RBFOX3: variants seen among roughly 807,000 people sequenced by gnomAD.
The protein encoded by RBFOX3 is RNA binding protein fox-1 homolog 3.
Under a neutral mutation model 48.7 loss-of-function variants are expected in RBFOX3, and 17 were observed. The ratio of observed to expected loss-of-function variants is 0.35; its 90% CI spans 0.24 to 0.52. The LOEUF (loss-of-function observed/expected upper bound fraction) is 0.52, where lower values mean the gene tolerates loss of function less well. RBFOX3 is among the 20% of genes least tolerant of loss of function. The pLI, the probability that RBFOX3 is intolerant of heterozygous loss-of-function variation, is 0.94. For synonymous variants in RBFOX3, 212 were observed against 209.5 expected, an observed-to-expected ratio of 1.01 and a Z score of -0.10; for missense variants, 382 against 497.5, an observed-to-expected ratio of 0.77 and a Z score of 2.21.
chr17:79,419,083 C>A (rs2065831910), intron 2 of RBFOX3, among the ~76,000 whole-genome samples: 1 of 152,156 alleles, frequency 6.6e-6, no homozygotes, highest in Admixed American at 6.5e-5. Flanking sequence ...AGGCAACATT[C>A]CCATGGCAGC....
intron 1 of RBFOX3, among the ~76,000 whole-genome samples, chr17:79,584,365 T>C (rs959279552): frequency 9.2e-5 from 14 of 152,182 alleles, no homozygotes; most frequent in Admixed American, 3.9e-4. Context: ...GAACTACCAT[T>C]TGATCCAACA....
chr17:79,103,044 G>A lies in RBFOX3; in HGVS notation c.507+118C>T. On this transcript the variant is annotated intron_variant, in intron 8 of 14. Coordinates refer to ENST00000693108, the MANE Select transcript of RBFOX3 (RefSeq NM_001350451.2). This position sits in a 1 kb window ranked among gnomAD's most constrained non-coding sequence, Gnocchi z 6.1. The stretch of plus-strand genomic sequence containing the variant: ...AGTGCGACCCTTCCTCCCACCCCAG[G>A]GAACCCTGGCCAGGCTCTCTGAAGG... The A allele has an allele frequency of 2.6e-6, 2 of 762,902 alleles. No homozygotes were observed. The highest frequency in any genetic ancestry group is 4.4e-6 in the Non-Finnish European group (2 of 454,992). 47.3% of individuals were successfully genotyped at this position (762,902 alleles called of 1,614,324 possible). A position where few individuals can be genotyped will look rare whatever the true frequency, so the allele number is the denominator to read the frequency against.
the RBFOX3 span, among the ~76,000 whole-genome samples, chr17:79,620,028 C>T: frequency 6.6e-6 from 1 of 151,932 alleles, no homozygotes; most frequent in African/African-American, 2.4e-5. Flanking sequence ...CACACGTGCA[C>T]ACATGCATAT....
In RBFOX3 at chr17:79,522,613, C is replaced by T. The variant is rs1027299430; in HGVS notation, c.-319-40015G>A. ...CACTGAGAGGATACGAGATTCACCT[C>T]AGGAATGTCAGATCTCATCCAAAGT... On this transcript the variant is annotated intron_variant, in intron 1 of 14. Transcript: ENST00000693108. Among the ~76,000 whole-genome samples the T allele has an allele frequency of 2.1e-3, 313 of 152,212 alleles. 1 individual carries two copies. Among genetic ancestry groups the T allele is most frequent in the South Asian group, 4.8e-3 (23 of 4,810 alleles).
chr17:79,454,329 T>A (rs545021279), intron 2 of RBFOX3, among the ~76,000 whole-genome samples: 79 of 152,230 alleles, frequency 5.2e-4, no homozygotes, highest in African/African-American at 1.6e-3. Context: ...GCTGCCTACA[T>A]CTGTCCTGCC....
chr17:79,622,331 G>A, the RBFOX3 span, among the ~76,000 whole-genome samples: 1 of 152,112 alleles, frequency 6.6e-6, no homozygotes, highest in African/African-American at 2.4e-5. Context: ...ATCTGTCACG[G>A]GGAGTGGCAG....
At position 79,604,858 on chromosome 17, in the gene RBFOX3, A is replaced by G. The variant is rs1039642835; in HGVS notation, c.-320+5968T>C. Among the ~76,000 whole-genome samples, 151 of 152,298 alleles carry G rather than the reference A, an allele frequency of 9.9e-4. 3 individuals are homozygous for G. In the South Asian group the frequency reaches 0.016, roughly 16 times the overall value. ...TAGCCTGCTCCTCCATGTTCTCATG[A>G]CCGTTGCCTAAAAGCAAACGATCCG... is the stretch of plus-strand genomic sequence containing the variant. On this transcript the variant is annotated intron_variant, in intron 1 of 14. Coordinates refer to ENST00000693108, the MANE Select transcript of RBFOX3 (RefSeq NM_001350451.2).
At chr17:79,509,020 C>T (rs2083643373) in intron 1 of RBFOX3, among the ~76,000 whole-genome samples, 1 of 152,140 alleles carries the variant, frequency 6.6e-6, no homozygotes. Flanking sequence ...CACGTCCGGG[C>T]CCCCCGAAGG....
chr17:79,576,570 A>G (rs1363767573), intron 1 of RBFOX3, among the ~76,000 whole-genome samples: 1 of 151,574 alleles, frequency 6.6e-6, no homozygotes, highest in Non-Finnish European at 1.5e-5. Context: ...GATGGAGATG[A>G]TGGAGAAGGT....
intron 4 of RBFOX3, among the ~76,000 whole-genome samples, chr17:79,145,801 C>T (rs547894581): frequency 9.8e-5 from 15 of 152,312 alleles, no homozygotes; most frequent in African/African-American, 2.9e-4. Flanking sequence ...AGCCGGGCGA[C>T]GGTGCCCTGC....
intron 1 of RBFOX3, among the ~76,000 whole-genome samples, chr17:79,521,889 G>A (rs1028138632): frequency 6.6e-5 from 10 of 152,212 alleles, no homozygotes; most frequent in African/African-American, 2.2e-4. Flanking sequence ...TAACTGTGTA[G>A]CCTAACTAAT....
At chr17:79,328,208 C>A (rs1023492034) in intron 2 of RBFOX3, among the ~76,000 whole-genome samples, 21 of 152,314 alleles carry the variant, frequency 1.4e-4, no homozygotes, top group African/African-American at 5.1e-4. Flanking sequence ...GGGATAGATC[C>A]AGGAGGCGTG....
At chr17:79,292,535 T>A (rs541320294) in intron 3 of RBFOX3, among the ~76,000 whole-genome samples, 1 of 151,932 alleles carries the variant, frequency 6.6e-6, no homozygotes. Flanking sequence ...TAATGGAACA[T>A]GTTTACACTC....
chr17:79,199,987 T>C lies in RBFOX3; in HGVS notation c.-34+35779A>G, dbSNP rs1407921595. On this transcript the variant is annotated intron_variant, in intron 4 of 14. Transcript: ENST00000693108. The surrounding 1 kb of genome is among the most constrained non-coding windows in gnomAD (Gnocchi z 5.1). ...ACCAGCCTGGCCAACATGGTGAAACTCCGTCTCTACCAAAAGTACAAAAAA... is the reference window on the plus strand; with the variant it reads ...ACCAGCCTGGCCAACATGGTGAAACCCCGTCTCTACCAAAAGTACAAAAAA... Among the ~76,000 whole-genome samples, 1 of 151,910 alleles carries C rather than the reference T, an allele frequency of 6.6e-6. No homozygotes were observed. Among genetic ancestry groups the C allele is most frequent in the Non-Finnish European group, 1.5e-5 (1 of 67,964 alleles).
chr17:79,221,449 C>T (rs1488280604), intron 4 of RBFOX3, among the ~76,000 whole-genome samples: 2 of 152,232 alleles, frequency 1.3e-5, no homozygotes. Context: ...CCACTCTTTC[C>T]TCTGGAGAGT....
At chr17:79,381,925 C>A (rs2059974312) in intron 2 of RBFOX3, among the ~76,000 whole-genome samples, 1 of 152,190 alleles carries the variant, frequency 6.6e-6, no homozygotes, top group Admixed American at 6.5e-5. Context: ...AAAACCGAAA[C>A]CCGGTGTCAC....
At chr17:79,312,111 C>T (rs891014221) in intron 2 of RBFOX3, among the ~76,000 whole-genome samples, 13 of 152,094 alleles carry the variant, frequency 8.5e-5, no homozygotes, top group African/African-American at 2.9e-4. Context: ...TGTAACTAAT[C>T]GTTTTCTGAA....
intron 3 of RBFOX3, among the ~76,000 whole-genome samples, chr17:79,291,019 C>T (rs1027403147): frequency 1.3e-5 from 2 of 152,202 alleles, no homozygotes; most frequent in African/African-American, 2.4e-5. Context: ...CAGTGCTTCC[C>T]ACCCCTCTCC....
chr17:79,219,063 A>T (rs796706880), intron 4 of RBFOX3, among the ~76,000 whole-genome samples: 8 of 152,330 alleles, frequency 5.3e-5, no homozygotes, highest in African/African-American at 1.7e-4. Context: ...TGGGCCCCAC[A>T]GGCACCTGTG....
Sources: allele counts gnomAD v4.1 joint callset (sites outside exome capture counted in the v4.1 genomes callset), GRCh38; gene constraint gnomAD v4.1.1; non-coding constraint Gnocchi (gnomAD v3.1); transcripts MANE v1.5; gene names NCBI Gene and HGNC (gene_info 2026-07-23, HGNC 2026-07-21).